The following GDA variants were observed in gnomAD, a reference collection of about 807,000 sequenced individuals.
GDA encodes the protein guanine deaminase, also known as cytoplasmic PSD-95 interactor.
GDA carries 18 observed loss-of-function variants against 59.6 expected under a neutral mutation model. The observed-to-expected ratio is 0.30, with a 90% CI of 0.21 to 0.45. The LOEUF is 0.45. GDA is among the 20% of genes least tolerant of loss of function. The pLI is 1.00. For missense variants in GDA, 427 were observed against 552.3 expected (o/e 0.77, Z 2.27); for synonymous variants, 201 against 201.1 (o/e 1.00, Z 0.00).
At position 72,248,396 on chromosome 9, in the gene GDA, CT is replaced by C. The variant is rs1840372260; in HGVS notation, c.*56del. 1.4e-5 allele frequency: 23 copies of C among 1,610,182 alleles called. No individual in the cohort carries two copies. In the South Asian group the frequency reaches 2.3e-4, roughly 16 times the overall value. On this transcript the variant is annotated 3_prime_UTR_variant, in exon 14 of 14. Coordinates refer to ENST00000358399, the MANE Select transcript of GDA (RefSeq NM_004293.5). ...GGGATTAGCGTGGTTCTGCATCTCCCTTGTGCCCAGGTGGAGTTAGAAAGTC... is the reference window on the plus strand; with the variant it reads ...GGGATTAGCGTGGTTCTGCATCTCCCTGTGCCCAGGTGGAGTTAGAAAGTC...
In GDA at chr9:72,225,754, G is replaced by A. The variant is rs147846415; in HGVS notation, c.792G>A (p.Val264=). The change falls in exon 8 of 14, where the codon GTG becomes GTA. Residue 264 remains valine, a synonymous_variant. Coordinates refer to ENST00000358399, the MANE Select transcript of GDA (RefSeq NM_004293.5). The part of the protein sequence containing the change: ...LYPSYKNYTS[V]YDKNNLLTNK... Reference sequence around the variant, plus strand: ...CCAGTTATAAAAACTACACATCTGTGTATGATAAAAACAATCTTTTGACAA... The same window carrying A: ...CCAGTTATAAAAACTACACATCTGTATATGATAAAAACAATCTTTTGACAA... The A allele has an allele frequency of 1.5e-5, 22 of 1,474,792 alleles. No homozygotes were observed. Among genetic ancestry groups the A allele is most frequent in the Non-Finnish European group, 2.1e-5 (22 of 1,064,218 alleles). The allele number at this position is 1,474,792 out of a possible 1,614,324, so 91.4% of individuals were successfully genotyped here. A position where few individuals can be genotyped will look rare whatever the true frequency, so the allele number is the denominator to read the frequency against.
Position 72,209,792 on chromosome 9 carries a change from A to G in GDA, c.385-895A>G, listed in dbSNP as rs1303136289. Among the ~76,000 whole-genome samples, 3 of 152,240 alleles carry G rather than the reference A, an allele frequency of 2.0e-5. No individual in the cohort carries two copies. The East Asian group carries it at 5.8e-4, about 29-fold the overall frequency. ...TTGGGTCCCAAACGTCACTGTGAAGACATCTTTCTTTTAGAGCCATTCATT... is the reference window on the plus strand; with the variant it reads ...TTGGGTCCCAAACGTCACTGTGAAGGCATCTTTCTTTTAGAGCCATTCATT... On this transcript the variant is annotated intron_variant, in intron 3 of 13. Coordinates refer to ENST00000358399, the MANE Select transcript of GDA (RefSeq NM_004293.5).
intron 1 of GDA, among the ~76,000 whole-genome samples, chr9:72,177,692 G>A (rs1398026934): frequency 1.3e-5 from 2 of 152,088 alleles, no homozygotes; most frequent in Non-Finnish European, 2.9e-5. Context: ...TTGTCATCCT[G>A]CTTTTAAAAT....
downstream of GDA, among the ~76,000 whole-genome samples, chr9:72,255,076 A>C (rs1422008316): frequency 6.6e-6 from 1 of 152,214 alleles, no homozygotes; most frequent in East Asian, 1.9e-4. Flanking sequence ...GAAAGAATTC[A>C]GTGTTAGACA....
In GDA at chr9:72,231,141, A is replaced by G. The variant is rs1427486526; in HGVS notation, c.948A>G (p.Leu316=). The G allele has an allele frequency of 1.9e-6, 3 of 1,596,780 alleles. No individual in the cohort carries two copies. Among genetic ancestry groups the G allele is most frequent in the Non-Finnish European group, 2.6e-6 (3 of 1,164,160 alleles). ...LSLSSGFLNV[L]EVLKHEVKIG... ...TCAGCAGTGGATTTCTAAATGTGCT[A>G]GAAGTCCTGAAACATGAAGTCAAGA... The change falls in exon 10 of 14, where the codon CTA becomes CTG. Residue 316 remains leucine (L), a synonymous_variant. Transcript: ENST00000358399.
chr9:72,125,868 T>C (rs1035465685), intron 1 of GDA, among the ~76,000 whole-genome samples: 1 of 152,164 alleles, frequency 6.6e-6, no homozygotes, highest in Admixed American at 6.5e-5. Flanking sequence ...ATAGTAGATA[T>C]GGCTTTTCTA....
chr9:72,123,999 G>A (rs1270621683), intron 1 of GDA, among the ~76,000 whole-genome samples: 1 of 152,196 alleles, frequency 6.6e-6, no homozygotes, highest in Non-Finnish European at 1.5e-5. Context: ...ATTGAAGGCT[G>A]TGCTGCCATT....
At position 72,227,935 on chromosome 9, in the gene GDA, C is replaced by T. The variant is rs17579467; in HGVS notation, c.823-8C>T. On this transcript the variant is annotated splice_region_variant and splice_polypyrimidine_tract_variant and intron_variant, in intron 8 of 13. Coordinates refer to ENST00000358399, the MANE Select transcript of GDA (RefSeq NM_004293.5). ...GGTAAACTCCACGTAGGGCACTCTT[C>T]TCTCCAGACAGTGATGGCACACGGC... The T allele has an allele frequency of 0.042, 63,511 of 1,524,046 alleles. 1,481 individuals are homozygous for T. Among genetic ancestry groups the T allele is most frequent in the Non-Finnish European group, 0.048 (52,410 of 1,099,668 alleles). The allele number at this position is 1,524,046 out of a possible 1,614,324, so 94.4% of individuals were successfully genotyped here. A position where few individuals can be genotyped will look rare whatever the true frequency, so the allele number is the denominator to read the frequency against.
chr9:72,154,367 G>A (rs1587373162), intron 1 of GDA, among the ~76,000 whole-genome samples: 1 of 152,156 alleles, frequency 6.6e-6, no homozygotes, highest in Non-Finnish European at 1.5e-5. Context: ...GCACTTAGTG[G>A]ATACTTAACA....
intron 1 of GDA, among the ~76,000 whole-genome samples, chr9:72,176,045 T>C (rs1259130699): frequency 6.6e-6 from 1 of 152,198 alleles, no homozygotes; most frequent in Non-Finnish European, 1.5e-5. Flanking sequence ...CAGGAATCTG[T>C]GAGCAGTTTA....
intron 1 of GDA, among the ~76,000 whole-genome samples, chr9:72,184,135 T>C (rs902517359): frequency 2.6e-5 from 4 of 152,146 alleles, no homozygotes; most frequent in South Asian, 2.1e-4. Context: ...CCGGGACACA[T>C]GCACAGCCCC....
In GDA at chr9:72,251,110, A is replaced by C; in HGVS notation, c.*2768A>C. Reference sequence around the variant, plus strand: ...TCCCTTCATGCCAAGGGTCTTTCTAAGTTAATACTGTGAGCATTGAGCCCC... The same window carrying C: ...TCCCTTCATGCCAAGGGTCTTTCTACGTTAATACTGTGAGCATTGAGCCCC... On this transcript the variant is annotated 3_prime_UTR_variant, in exon 14 of 14. Transcript: ENST00000358399. The C allele has an allele frequency of 2.8e-6, 1 of 354,344 alleles. No homozygotes were observed. Among genetic ancestry groups the C allele is most frequent in the Non-Finnish European group, 5.1e-6 (1 of 194,270 alleles). The allele number at this position is 354,344 out of a possible 1,614,324, so 21.9% of individuals were successfully genotyped here.
intron 1 of GDA, among the ~76,000 whole-genome samples, chr9:72,189,766 G>A (rs1409883087): frequency 6.6e-6 from 1 of 152,128 alleles, no homozygotes; most frequent in African/African-American, 2.4e-5. Flanking sequence ...ATTTGAGCCT[G>A]GGAGGTGGAA....
At chr9:72,236,713 A>G in intron 10 of GDA, among the ~76,000 whole-genome samples, 1 of 151,776 alleles carries the variant, frequency 6.6e-6, no homozygotes, top group East Asian at 1.9e-4. Flanking sequence ...CTGCTGGATC[A>G]TTCCTGCTGG....
chr9:72,248,483 C>A lies in GDA; in HGVS notation c.*141C>A. ...TTTCTGTGTCTAGTTACAGTATTCA[C>A]TTGACAAATAGTTCGAAGGAAGTTG... On this transcript the variant is annotated 3_prime_UTR_variant, in exon 14 of 14. Transcript: ENST00000358399. The A allele has an allele frequency of 6.8e-7, 1 of 1,462,644 alleles. No homozygotes were observed. The allele number at this position is 1,462,644 out of a possible 1,614,324, so 90.6% of individuals were successfully genotyped here. A position where few individuals can be genotyped will look rare whatever the true frequency, so the allele number is the denominator to read the frequency against.
intron 1 of GDA, among the ~76,000 whole-genome samples, chr9:72,187,378 C>T (rs759343187): frequency 1.2e-4 from 18 of 152,156 alleles, no homozygotes; most frequent in Non-Finnish European, 1.8e-4. Context: ...ACTCTGGCCT[C>T]GAGTGCTTCC....
At chr9:72,138,595 C>A (rs1826329255) in intron 1 of GDA, among the ~76,000 whole-genome samples, 2 of 152,216 alleles carry the variant, frequency 1.3e-5, no homozygotes, top group Admixed American at 1.3e-4. Flanking sequence ...GTAAAGGAGA[C>A]AGATCTGCTC....
intron 1 of GDA, among the ~76,000 whole-genome samples, chr9:72,117,530 G>C (rs1825497106): frequency 6.6e-6 from 1 of 152,150 alleles, no homozygotes; most frequent in Non-Finnish European, 1.5e-5. Context: ...GGGTGGCTTT[G>C]ATTTCAAGGT....
At chr9:72,238,741 G>A (rs1040665955) in intron 10 of GDA, among the ~76,000 whole-genome samples, 3 of 152,140 alleles carry the variant, frequency 2.0e-5, no homozygotes, top group Non-Finnish European at 2.9e-5. Context: ...TGATGGTCCT[G>A]GGGGAGTAGT....
Sources: allele counts gnomAD v4.1 joint callset (sites outside exome capture counted in the v4.1 genomes callset), GRCh38; gene constraint gnomAD v4.1.1; transcripts MANE v1.5; gene names NCBI Gene and HGNC (gene_info 2026-07-23, HGNC 2026-07-21).